The following MROH2A variants were observed in gnomAD, a reference collection of about 807,000 sequenced individuals.
MROH2A encodes maestro heat like repeat family member 2A.
In MROH2A, 174 loss-of-function variants were observed where a neutral mutation model predicts 200.4. That is an observed-to-expected ratio of 0.87 (90% CI 0.77 to 0.98). The LOEUF is 0.98. Ranked by LOEUF, MROH2A falls within the 50% of genes least tolerant of loss-of-function variation. MROH2A has a pLI of 0.00. For missense variants in MROH2A, 2,045 were observed against 2,139.6 expected, an observed-to-expected ratio of 0.96 and a Z score of 0.87; for synonymous variants, 829 against 840.4, an observed-to-expected ratio of 0.99 and a Z score of 0.23.
intron 41 of MROH2A, 66 bp downstream of exon 41, chr2:233,832,710 A>C: frequency 1.8e-6 from 2 of 1,131,532 alleles, no homozygotes; most frequent in Non-Finnish European, 2.6e-6. Context: ...AGCTTAGAGA[A>C]ACTGCTTCAA....
At chr2:233,777,722 C>T (rs752666800), upstream of MROH2A, among the ~76,000 whole-genome samples, 7 of 152,164 alleles carry the variant, frequency 4.6e-5, no homozygotes, top group Admixed American at 2.0e-4. Flanking sequence ...CCCTAGATGT[C>T]TCTGAGTTTT....
chr2:233,804,235 C>G, intron 17 of MROH2A, 43 bp downstream of exon 17: 4 of 1,546,806 alleles, frequency 2.6e-6, no homozygotes, highest in Non-Finnish European at 3.5e-6. Flanking sequence ...CCCTCCAATC[C>G]GTGTATGTGC....
rs769592253 is a variant in MROH2A at position 233,800,246 on chromosome 2, G to C, written c.1491G>C (p.Glu497Asp). 6.6e-5 allele frequency: 102 copies of C among 1,550,152 alleles called. No homozygotes were observed. The highest frequency in any genetic ancestry group is 8.7e-5 in the Non-Finnish European group (100 of 1,146,844). ...REKFYQRDLE[E>D]RMVHKVTMDT... is the part of the protein sequence containing the mutation. ...AGTTTTATCAGAGGGACTTGGAGGA[G>C]AGGATGGTCCACAAAGTCACCATGG... is the stretch of plus-strand genomic sequence containing the variant. The change falls in exon 14 of 42, where the codon GAG (glutamate) becomes GAC (aspartate). Residue 497 changes from glutamate to aspartate, a missense_variant. Around this residue, in one of 3 missense-constraint regions of MROH2A, gnomAD observed 831 missense variants for 800.0 expected, o/e 1.04. Coordinates refer to ENST00000389758, the MANE Select transcript of MROH2A (RefSeq NM_001394639.1).
chr2:233,803,161 C>G (rs1274141067), intron 15 of MROH2A, among the ~76,000 whole-genome samples: 2 of 152,212 alleles, frequency 1.3e-5, no homozygotes, highest in Non-Finnish European at 2.9e-5. Context: ...AGACAAAACA[C>G]TGTCATGGAA....
chr2:233,792,221 C>A (rs116635982), intron 5 of MROH2A, among the ~76,000 whole-genome samples: 1 of 152,072 alleles, frequency 6.6e-6, no homozygotes, highest in African/African-American at 2.4e-5. Context: ...CCCTCCCTCT[C>A]TCGGACCTCC....
Position 233,808,499 on chromosome 2 carries a change from G to A in MROH2A, c.2296-627G>A, listed in dbSNP as rs186676124. On this transcript the variant is annotated intron_variant, in intron 21 of 41. Coordinates refer to ENST00000389758, the MANE Select transcript of MROH2A (RefSeq NM_001394639.1). ...TGCCTCAGGCTTTGCCCTTGACCTG[G>A]AACACTTGCCCTGGGGTCTGGTTGT... Among the ~76,000 whole-genome samples the A allele has an allele frequency of 3.6e-3, 551 of 152,248 alleles. 1 individual carries two copies. The highest frequency in any genetic ancestry group is 0.013 in the African/African-American group (525 of 41,544).
chr2:233,833,414 T>C lies in MROH2A; in HGVS notation c.*155T>C, dbSNP rs1704919701. ...CCGTTGAAATAAACCTCCACTGTCG[T>C]TGGAGTAGACTTGTGACTGTAAGGT... On this transcript the variant is annotated 3_prime_UTR_variant, in exon 42 of 42. Transcript: ENST00000389758. 5 of 856,330 alleles carry C rather than the reference T, an allele frequency of 5.8e-6. No individual in the cohort carries two copies. Among genetic ancestry groups the C allele is most frequent in the Non-Finnish European group, 6.7e-6 (4 of 595,224 alleles). 53.0% of individuals were successfully genotyped at this position (856,330 alleles called of 1,614,324 possible).
At chr2:233,776,488 C>A (rs62191947), upstream of MROH2A, among the ~76,000 whole-genome samples, 2 of 151,682 alleles carry the variant, frequency 1.3e-5, no homozygotes, top group African/African-American at 4.8e-5. Context: ...TCCTGAGTAG[C>A]TGGGATTACA....
intron 38 of MROH2A, among the ~76,000 whole-genome samples, chr2:233,830,450 C>G (rs545404686): frequency 6.6e-6 from 1 of 152,274 alleles, no homozygotes; most frequent in South Asian, 2.1e-4. Flanking sequence ...CCTAGTAAGC[C>G]TTGGGACGCA....
chr2:233,829,726 G>A lies in MROH2A; in HGVS notation c.4553G>A (p.Trp1518Ter). ...TTCAAAGGGGAGGTGAAGAAGGCCT[G>A]GATCCCCCTCATGCTGCACTCCCAG... is the stretch of plus-strand genomic sequence containing the variant. ...HFFKGEVKKAWIPLMLHSQDP... is the reference protein window; with the variant it reads ...HFFKGEVKKA Residue 1518 changes from tryptophan to a stop codon, truncating the protein, a stop_gained, in exon 38 of 42, where the codon TGG (tryptophan) becomes TAG (stop). Transcript: ENST00000389758. LOFTEE classifies it high-confidence loss of function. 1 of 1,487,642 alleles carries A rather than the reference G, an allele frequency of 6.7e-7. No individual in the cohort carries two copies. Among genetic ancestry groups the A allele is most frequent in the Non-Finnish European group, 9.0e-7 (1 of 1,115,882 alleles). 92.2% of individuals were successfully genotyped at this position (1,487,642 alleles called of 1,614,324 possible). A position where few individuals can be genotyped will look rare whatever the true frequency, so the allele number is the denominator to read the frequency against.
Position 233,798,772 on chromosome 2 carries a change from A to G in MROH2A, c.1253-2A>G. ...CCAGCCCACCCAGTTTTCCTCTTTCAGAGCCCAGGATGAGTATCAGGGCCA... is the reference window on the plus strand; with the variant it reads ...CCAGCCCACCCAGTTTTCCTCTTTCGGAGCCCAGGATGAGTATCAGGGCCA... On this transcript the variant is annotated splice_acceptor_variant, in intron 11 of 41. Transcript: ENST00000389758. LOFTEE classifies it high-confidence loss of function. The G allele has an allele frequency of 6.5e-7, 1 of 1,550,236 alleles. No homozygotes were observed. The highest frequency in any genetic ancestry group is 8.7e-7 in the Non-Finnish European group (1 of 1,146,688).
chr2:233,808,728 C>T (rs1702961063), intron 21 of MROH2A, among the ~76,000 whole-genome samples: 1 of 152,164 alleles, frequency 6.6e-6, no homozygotes, highest in African/African-American at 2.4e-5. Context: ...TGGAGGCTGT[C>T]GGTTCCTGCT....
intron 34 of MROH2A, 37 bp from the exon 35 acceptor site, chr2:233,823,519 G>A (rs753297969): frequency 6.5e-7 from 1 of 1,535,114 alleles, no homozygotes. Flanking sequence ...CAGGGGTGGG[G>A]CCGCCTCCAC....
At chr2:233,777,124 A>C (rs2126073077), upstream of MROH2A, among the ~76,000 whole-genome samples, 1 of 152,310 alleles carries the variant, frequency 6.6e-6, no homozygotes, top group East Asian at 1.9e-4. Context: ...TGTGAACTAT[A>C]ATAATCGGTT....
intron 19 of MROH2A, among the ~76,000 whole-genome samples, chr2:233,806,663 G>A (rs1314113110): frequency 1.3e-5 from 2 of 152,050 alleles, no homozygotes; most frequent in East Asian, 1.9e-4. Flanking sequence ...TAGGTTTGTT[G>A]GAGGGAGTGT....
chr2:233,779,559 C>T, intron 2 of MROH2A, 107 bp downstream of exon 2: 2 of 1,386,770 alleles, frequency 1.4e-6, no homozygotes, highest in Non-Finnish European at 2.0e-6. Context: ...CAGTGGACAT[C>T]ATACCACACA....
chr2:233,816,108 AC>A (rs1172513768), intron 26 of MROH2A, among the ~76,000 whole-genome samples: 21 of 152,214 alleles, frequency 1.4e-4, no homozygotes, highest in Admixed American at 1.4e-3. Flanking sequence ...TTGCCCAGAT[AC>A]CATCTATCTT....
chr2:233,792,972 A>T (rs1272888950), intron 6 of MROH2A, 78 bp downstream of exon 6: 1 of 1,390,992 alleles, frequency 7.2e-7, no homozygotes, highest in Non-Finnish European at 9.9e-7. Context: ...GAGCAGATGG[A>T]GGGGTTGTTG....
rs965191076 is a variant in MROH2A, at chr2:233,825,543, T to C, written c.4113+1879T>C. ...TAACATGAAGGGATGTTGAATTTTA[T>C]TGAAGGCCTTTTCTGCACCTATTGA... On this transcript the variant is annotated intron_variant, in intron 35 of 41. Transcript: ENST00000389758. 7.2e-5 allele frequency among the ~76,000 whole-genome samples: 11 copies of C among 152,354 alleles called. 1 individual carries two copies. The highest frequency in any genetic ancestry group is 5.2e-4 in the Admixed American group (8 of 15,302).
Sources: gnomAD v4.1 joint callset for allele counts (sites outside exome capture counted in the v4.1 genomes callset) on GRCh38, gnomAD v4.1.1 for gene constraint, gnomAD v4.1.1 regional missense constraint, MANE v1.5 for transcripts, NCBI Gene and HGNC (gene_info 2026-07-23, HGNC 2026-07-21) for gene names.